The following FUT8 variants were observed in gnomAD, a reference collection of about 807,000 sequenced individuals.
The protein encoded by FUT8 is fucosyltransferase 8.
A neutral mutation model predicts 71.3 loss-of-function variants in FUT8; 29 were observed. That is an observed-to-expected ratio of 0.41 (90% confidence interval 0.30 to 0.55). The LOEUF is 0.55. Ranked by LOEUF, FUT8 falls within the 20% of genes least tolerant of loss-of-function variation. The pLI, the probability that FUT8 is intolerant of heterozygous loss-of-function variation, is 0.34. For synonymous variants in FUT8, 254 were observed against 239.3 expected, an observed-to-expected ratio of 1.06 and a Z score of -0.57; for missense variants, 544 against 702.1, an observed-to-expected ratio of 0.77 and a Z score of 2.55.
chr14:65,672,203 T>C (rs1348227253), intron 7 of FUT8, among the ~76,000 whole-genome samples: 1 of 152,234 alleles, frequency 6.6e-6, no homozygotes, highest in Non-Finnish European at 1.5e-5. Flanking sequence ...CTAAAGGTAA[T>C]GCTTCCAGTA....
chr14:65,716,175 T>C (rs1057475460), intron 7 of FUT8, among the ~76,000 whole-genome samples: 26 of 152,176 alleles, frequency 1.7e-4, no homozygotes, highest in Non-Finnish European at 2.9e-4. Context: ...AGTCTGATGT[T>C]CCTTTGTTGA....
intron 7 of FUT8, among the ~76,000 whole-genome samples, chr14:65,695,015 C>T (rs1355578694): frequency 1.3e-5 from 2 of 152,054 alleles, no homozygotes; most frequent in Admixed American, 6.6e-5. Context: ...GCACATTGTG[C>T]ACATGTACCC....
chr14:65,380,446 A>G, the FUT8 span, among the ~76,000 whole-genome samples: 1 of 152,170 alleles, frequency 6.6e-6, no homozygotes, highest in Non-Finnish European at 1.5e-5. Context: ...GACAAAAATA[A>G]TAAATGGATA....
At chr14:65,447,867 C>T (rs1483009249) in intron 1 of FUT8, among the ~76,000 whole-genome samples, 1 of 152,126 alleles carries the variant, frequency 6.6e-6, no homozygotes, top group African/African-American at 2.4e-5. Context: ...GGGACTAGTA[C>T]TAAACCTCTT....
At chr14:65,474,609 A>T (rs933368946) in intron 2 of FUT8, among the ~76,000 whole-genome samples, 30 of 151,696 alleles carry the variant, frequency 2.0e-4, no homozygotes, top group African/African-American at 4.6e-4. Flanking sequence ...AATAAATAAA[A>T]AATTAAAAAA....
intron 9 of FUT8, among the ~76,000 whole-genome samples, chr14:65,728,351 C>T (rs1314488038): frequency 1.3e-5 from 2 of 152,140 alleles, no homozygotes; most frequent in East Asian, 3.9e-4. Flanking sequence ...GCTGGGGTGG[C>T]CTCACAATCA....
At chr14:65,719,401 T>G (rs866236337) in intron 7 of FUT8, among the ~76,000 whole-genome samples, 2 of 152,194 alleles carry the variant, frequency 1.3e-5, no homozygotes, top group Non-Finnish European at 2.9e-5. Context: ...ATAGCTCTTT[T>G]GAATTCCCTC....
chr14:65,696,090 G>A (rs1402671244), intron 7 of FUT8, among the ~76,000 whole-genome samples: 2 of 151,936 alleles, frequency 1.3e-5, no homozygotes, highest in Non-Finnish European at 2.9e-5. Flanking sequence ...TTATCCATAA[G>A]CTATGATCAC....
intron 2 of FUT8, among the ~76,000 whole-genome samples, chr14:65,503,630 C>T (rs1022589323): frequency 8.5e-5 from 13 of 152,076 alleles, no homozygotes; most frequent in African/African-American, 2.4e-4. Context: ...CTTCAAGAGC[C>T]TCTCTCTGCC....
chr14:65,404,503 G>A, the FUT8 span, among the ~76,000 whole-genome samples: 3 of 149,844 alleles, frequency 2.0e-5, no homozygotes, highest in African/African-American at 4.9e-5. Context: ...TTGAGACAGA[G>A]TCTTGCTCTG....
chr14:65,684,015 C>G (rs1893160310), intron 7 of FUT8, among the ~76,000 whole-genome samples: 1 of 151,710 alleles, frequency 6.6e-6, no homozygotes, highest in East Asian at 1.9e-4. Context: ...GAACATTTTT[C>G]TTAGCCTGAA....
intron 1 of FUT8, among the ~76,000 whole-genome samples, chr14:65,436,167 G>A (rs914196917): frequency 3.9e-5 from 6 of 151,946 alleles, no homozygotes; most frequent in Non-Finnish European, 7.4e-5. Flanking sequence ...TCTTGAGCTG[G>A]TCCTGATGGC....
chr14:65,608,821 G>A (rs148724475), intron 3 of FUT8, among the ~76,000 whole-genome samples: 1 of 151,928 alleles, frequency 6.6e-6, no homozygotes, highest in East Asian at 1.9e-4. Context: ...CAGCTTTCTT[G>A]GATTTACCTA....
chr14:65,467,827 GA>G lies in FUT8; in HGVS notation c.-228+12111del. 6.5e-6 allele frequency: 5 copies of G among 768,730 alleles called. No homozygotes were observed. Among genetic ancestry groups the G allele is most frequent in the Middle Eastern group, 2.7e-4 (1 of 3,736 alleles). The allele number at this position is 768,730 out of a possible 1,614,324, so 47.6% of individuals were successfully genotyped here. A position where few individuals can be genotyped will look rare whatever the true frequency, so the allele number is the denominator to read the frequency against. On this transcript the variant is annotated intron_variant, in intron 2 of 10. Coordinates refer to ENST00000673929, the MANE Select transcript of FUT8 (RefSeq NM_001371533.1). The surrounding 1 kb of genome is among the most constrained non-coding windows in gnomAD (Gnocchi z 4.1). Reference sequence around the variant, plus strand: ...ACCTGTTATGCTATGAATTCACAGGGAATAGGTTCCAGCAGCTCAGGCTCCT... The same window carrying G: ...ACCTGTTATGCTATGAATTCACAGGGATAGGTTCCAGCAGCTCAGGCTCCT...
intron 2 of FUT8, among the ~76,000 whole-genome samples, chr14:65,548,105 ATTTTC>A (rs1356202568): frequency 5.3e-5 from 8 of 151,838 alleles, no homozygotes; most frequent in African/African-American, 1.7e-4. Context: ...TTTGTCTGAT[ATTTTC>A]TTTTATTATT....
intron 6 of FUT8, among the ~76,000 whole-genome samples, chr14:65,647,888 A>T (rs952314061): frequency 6.6e-6 from 1 of 152,176 alleles, no homozygotes; most frequent in Non-Finnish European, 1.5e-5. Context: ...TTAAAAAAAA[A>T]AAAGAAGTCT....
rs1204483709 is a variant in FUT8, at chr14:65,652,491, T to TA, written c.598-16751dup. The stretch of plus-strand genomic sequence containing the variant: ...AGAGGACATGATGCTTTGGAGCTGT[T>TA]ACAACCATCTTGTGACCATGAGGCA... On this transcript the variant is annotated intron_variant, in intron 6 of 10. Coordinates refer to ENST00000673929, the MANE Select transcript of FUT8 (RefSeq NM_001371533.1). The surrounding 1 kb of genome is among the most constrained non-coding windows in gnomAD (Gnocchi z 4.0). Among the ~76,000 whole-genome samples, 1 of 152,186 alleles carries TA rather than the reference T, an allele frequency of 6.6e-6. No homozygotes were observed. Among genetic ancestry groups the TA allele is most frequent in the Non-Finnish European group, 1.5e-5 (1 of 68,032 alleles).
At chr14:65,613,256 T>C (rs1889100999) in intron 3 of FUT8, among the ~76,000 whole-genome samples, 1 of 152,210 alleles carries the variant, frequency 6.6e-6, no homozygotes, top group Non-Finnish European at 1.5e-5. Context: ...CTTTCTATTG[T>C]CAATTTTTCT....
At chr14:65,386,969 G>T in the FUT8 span, among the ~76,000 whole-genome samples, 4 of 150,118 alleles carry the variant, frequency 2.7e-5, no homozygotes, top group Admixed American at 2.7e-4. Context: ...AGCCTCCCCA[G>T]TAGCTGGGAT....
Sources: allele counts gnomAD v4.1 joint callset (sites outside exome capture counted in the v4.1 genomes callset), GRCh38; gene constraint gnomAD v4.1.1; non-coding constraint Gnocchi (gnomAD v3.1); transcripts MANE v1.5; gene names NCBI Gene and HGNC (gene_info 2026-07-23, HGNC 2026-07-21).